Variants in ABI3BP observed in about 807,000 individuals in gnomAD.
The protein encoded by ABI3BP is ABI family member 3 binding protein.
A neutral mutation model predicts 268.6 loss-of-function variants in ABI3BP; 216 were observed. The observed-to-expected ratio is 0.80, with a 90% confidence interval of 0.72 to 0.90. The LOEUF (loss-of-function observed/expected upper bound fraction) is 0.90. Ranked by LOEUF, ABI3BP falls within the 40% of genes least tolerant of loss-of-function variation. The pLI, the probability that ABI3BP is intolerant of heterozygous loss-of-function variation, is 0.00. For missense variants in ABI3BP, 2,090 were observed against 2,182.4 expected (o/e 0.96, Z 0.84); for synonymous variants, 730 against 730.0 (o/e 1.00, Z 0.00).
rs569812861 is a variant in ABI3BP, at chr3:100,828,073, G to A, written c.2602+320C>T. On this transcript the variant is annotated intron_variant, in intron 34 of 67. Coordinates refer to ENST00000471714, the MANE Select transcript of ABI3BP (RefSeq NM_001375547.2). Reference sequence around the variant, plus strand: ...AAAAAATAAAAAGGGAGGTGTATAAGGGATATATTAAGAAACTTCTGTGTT... The same window carrying A: ...AAAAAATAAAAAGGGAGGTGTATAAAGGATATATTAAGAAACTTCTGTGTT... Among the ~76,000 whole-genome samples, 4 of 152,198 alleles carry A rather than the reference G, an allele frequency of 2.6e-5. No individual in the cohort carries two copies. In the East Asian group the frequency reaches 7.7e-4, roughly 29 times the overall value.
intron 2 of ABI3BP, chr3:100,911,619 C>T (rs2056524114): frequency 2.9e-6 from 2 of 693,924 alleles, no homozygotes; most frequent in Non-Finnish European, 2.6e-6. Flanking sequence ...TACTGCTTGG[C>T]TAAAACCAGT....
rs758400863 is a variant in ABI3BP at position 100,796,429 on chromosome 3, T to C, written c.3797A>G (p.Glu1266Gly). ...TTTACCAGGTTCGCTCTGAGAGACC[T>C]CAGGGTATGGTTTATGAGGAAGGAG... ...DVLLPHKPYP[E>G]VSQSEPVLQP... Residue 1266 changes from glutamate (E) to glycine (G), a missense_variant, in exon 52 of 68, where the codon GAG becomes GGG. Glu to Gly is a moderately conservative substitution (Grantham distance 98). Transcript: ENST00000471714. The C allele has an allele frequency of 2.7e-5, 43 of 1,600,970 alleles. No individual in the cohort carries two copies. Among genetic ancestry groups the C allele is most frequent in the Non-Finnish European group, 3.6e-5 (42 of 1,173,614 alleles).
In ABI3BP at chr3:100,876,692, G is replaced by C. The variant is rs117520015; in HGVS notation, c.697-132C>G. Reference sequence around the variant, plus strand: ...CTCCTGTGACACTGGTTTAATAGTTGCTGGTGGCGGGGCGTGGTGGCTCAC... The same window carrying C: ...CTCCTGTGACACTGGTTTAATAGTTCCTGGTGGCGGGGCGTGGTGGCTCAC... On this transcript the variant is annotated intron_variant, in intron 6 of 67. Coordinates refer to ENST00000471714, the MANE Select transcript of ABI3BP (RefSeq NM_001375547.2). 2,878 of 749,056 alleles carry C rather than the reference G, an allele frequency of 3.8e-3. 56 individuals are homozygous for C. The East Asian group carries it at 0.047, about 12-fold the overall frequency. 46.4% of individuals were successfully genotyped at this position (749,056 alleles called of 1,614,324 possible). A position where few individuals can be genotyped will look rare whatever the true frequency, so the allele number is the denominator to read the frequency against.
At chr3:100,962,214 G>C (rs947939576) in intron 1 of ABI3BP, among the ~76,000 whole-genome samples, 4 of 152,000 alleles carry the variant, frequency 2.6e-5, no homozygotes, top group Admixed American at 2.6e-4. Flanking sequence ...GAAGTCACTG[G>C]ACAGAAACTC....
At chr3:100,957,741 G>A (rs763394951) in intron 1 of ABI3BP, among the ~76,000 whole-genome samples, 5 of 152,200 alleles carry the variant, frequency 3.3e-5, no homozygotes, top group Non-Finnish European at 5.9e-5. Context: ...TACTTGCTAA[G>A]GGAGAATCAA....
Position 100,862,689 on chromosome 3 carries a change from G to A in ABI3BP, c.1210+149C>T, listed in dbSNP as rs2099011204. 1.6e-5 allele frequency: 10 copies of A among 625,282 alleles called. No individual in the cohort carries two copies. In the South Asian group the frequency reaches 2.1e-4, roughly 13 times the overall value. The allele number at this position is 625,282 out of a possible 1,614,324, so 38.7% of individuals were successfully genotyped here. ...ACCGAATTTGCAGAAAATCCAAATA[G>A]ATTTATTAAAAAAAAATCAAATCAA... is the stretch of plus-strand genomic sequence containing the variant. On this transcript the variant is annotated intron_variant, in intron 13 of 67. Transcript: ENST00000471714.
At chr3:100,821,520 A>G (rs957864020) in intron 38 of ABI3BP, among the ~76,000 whole-genome samples, 4 of 151,408 alleles carry the variant, frequency 2.6e-5, no homozygotes, top group Non-Finnish European at 4.4e-5. Flanking sequence ...TCCATCAAGG[A>G]CCTAGGCATC....
chr3:100,816,900 GTTAA>G, intron 42 of ABI3BP, 132 bp from the exon 43 acceptor site: 1 of 665,084 alleles, frequency 1.5e-6, no homozygotes, highest in South Asian at 2.1e-5. Context: ...TTTCTATTTT[GTTAA>G]TTTTCTTAAT....
chr3:100,902,202 T>C (rs890681591), intron 3 of ABI3BP, among the ~76,000 whole-genome samples: 6 of 152,180 alleles, frequency 3.9e-5, no homozygotes, highest in Admixed American at 1.3e-4. Flanking sequence ...ACATAAAATT[T>C]TGCCCTTAAC....
chr3:100,825,854 T>C lies in ABI3BP; in HGVS notation c.2603-10A>G, dbSNP rs1159923753. The stretch of plus-strand genomic sequence containing the variant: ...AGGTCTGTAACAGGAACTGAAGTAA[T>C]AAGATAAACAAAAGAGATGGTAAAA... On this transcript the variant is annotated splice_polypyrimidine_tract_variant and intron_variant, in intron 34 of 67. Coordinates refer to ENST00000471714, the MANE Select transcript of ABI3BP (RefSeq NM_001375547.2). 8 of 1,529,108 alleles carry C rather than the reference T, an allele frequency of 5.2e-6. No individual in the cohort carries two copies. In the Admixed American group the frequency reaches 1.6e-4, roughly 30 times the overall value. 94.7% of individuals were successfully genotyped at this position (1,529,108 alleles called of 1,614,324 possible).
rs879118868 is a variant in ABI3BP, at chr3:100,840,085, G to C, written c.1884C>G (p.Pro628=). 5.2e-6 allele frequency: 8 copies of C among 1,531,880 alleles called. No individual in the cohort carries two copies. In the East Asian group the frequency reaches 7.4e-5, roughly 14 times the overall value. 94.9% of individuals were successfully genotyped at this position (1,531,880 alleles called of 1,614,324 possible). A position where few individuals can be genotyped will look rare whatever the true frequency, so the allele number is the denominator to read the frequency against. The stretch of plus-strand genomic sequence containing the variant: ...TATCACATTTACCGGGTTTGGACTT[G>C]GGCACTTCTGGACTAGGTGTGGTTT... The part of the protein sequence containing the change: ...RPKTTPSPEV[P]KSKPALEPAT... The change falls in exon 23 of 68, where the codon CCC becomes CCG. Residue 628 remains proline, a synonymous_variant. Transcript: ENST00000471714.
In ABI3BP at chr3:100,812,455, G is replaced by A; in HGVS notation, c.3421+12C>T. ...CACATATGCTTGACTTCCCATTGGG[G>A]AACATTTTTACCTATGGTCTCCTTT... On this transcript the variant is annotated intron_variant, in intron 46 of 67. Coordinates refer to ENST00000471714, the MANE Select transcript of ABI3BP (RefSeq NM_001375547.2). The A allele has an allele frequency of 7.7e-7, 1 of 1,291,202 alleles. No individual in the cohort carries two copies. The highest frequency in any genetic ancestry group is 2.7e-5 in the South Asian group (1 of 37,506). The allele number at this position is 1,291,202 out of a possible 1,614,324, so 80.0% of individuals were successfully genotyped here. A position where few individuals can be genotyped will look rare whatever the true frequency, so the allele number is the denominator to read the frequency against.
intron 1 of ABI3BP, among the ~76,000 whole-genome samples, chr3:100,934,098 C>G (rs953138078): frequency 6.6e-6 from 1 of 151,978 alleles, no homozygotes; most frequent in South Asian, 2.1e-4. Context: ...CCATCATCTA[C>G]ATTAGGTATT....
At chr3:100,981,081 T>C (rs1442768876) in intron 1 of ABI3BP, among the ~76,000 whole-genome samples, 2 of 152,202 alleles carry the variant, frequency 1.3e-5, no homozygotes, top group Admixed American at 6.5e-5. Context: ...GGTGTGAATA[T>C]ACAGTTATGG....
chr3:100,862,691 T>G, intron 13 of ABI3BP, 147 bp downstream of exon 13: 1 of 631,896 alleles, frequency 1.6e-6, no homozygotes. Context: ...TCCAAATAGA[T>G]TTATTAAAAA....
chr3:100,893,052 A>G (rs867407479), intron 4 of ABI3BP, among the ~76,000 whole-genome samples: 46 of 152,322 alleles, frequency 3.0e-4, no homozygotes, highest in Middle Eastern at 6.8e-3. Context: ...CCATCTAATC[A>G]GCTGACAGCA....
intron 57 of ABI3BP, among the ~76,000 whole-genome samples, chr3:100,781,193 C>T (rs1055251240): frequency 5.3e-5 from 8 of 152,156 alleles, no homozygotes; most frequent in Non-Finnish European, 1.2e-4. Context: ...TGAGGACTCA[C>T]TGTGTTCCAG....
intron 42 of ABI3BP, 74 bp downstream of exon 42, chr3:100,817,362 G>T: frequency 9.4e-7 from 1 of 1,068,032 alleles, no homozygotes; most frequent in Non-Finnish European, 1.3e-6. Flanking sequence ...TGATGACAAT[G>T]TGATTATGAT....
At chr3:100,753,924 G>C (rs2095476312) in intron 64 of ABI3BP, 76 bp from the exon 65 acceptor site, 13 of 1,417,056 alleles carry the variant, frequency 9.2e-6, no homozygotes, top group Non-Finnish European at 1.3e-5. Context: ...TGAAGATGAT[G>C]GGGGCTTACA....
Sources: allele counts gnomAD v4.1 joint callset (sites outside exome capture counted in the v4.1 genomes callset), GRCh38; gene constraint gnomAD v4.1.1; transcripts MANE v1.5; gene names NCBI Gene and HGNC (gene_info 2026-07-23, HGNC 2026-07-21).